NEMF: variants seen among roughly 807,000 people sequenced by gnomAD.
NEMF encodes the protein nuclear export mediator factor.
In NEMF, 89 loss-of-function variants were observed where a neutral mutation model predicts 162.2. The observed-to-expected ratio is 0.55, with a 90% CI of 0.46 to 0.65. The LOEUF is 0.65. NEMF is among the 30% of genes least tolerant of loss of function. The probability of loss-of-function intolerance (pLI) is 0.00; values close to 1 mark genes in which losing one functional copy is unlikely to be tolerated. For missense variants in NEMF, 1,133 were observed against 1,261.9 expected (o/e 0.90, Z 1.55); for synonymous variants, 421 against 404.5 (o/e 1.04, Z -0.49).
chr14:49,792,756 G>C (rs1448320416), intron 26 of NEMF, among the ~76,000 whole-genome samples: 1 of 152,144 alleles, frequency 6.6e-6, no homozygotes, highest in Non-Finnish European at 1.5e-5. Context: ...CAAGCAGGAG[G>C]ATAACTTGAG....
At chr14:49,850,482 G>C (rs1417748697) in intron 3 of NEMF, among the ~76,000 whole-genome samples, 3 of 152,158 alleles carry the variant, frequency 2.0e-5, no homozygotes, top group African/African-American at 7.2e-5. Context: ...TAAATTCCAA[G>C]AGGTTAAGTA....
intron 16 of NEMF, among the ~76,000 whole-genome samples, chr14:49,817,869 T>A (rs1449302195): frequency 6.6e-6 from 1 of 152,182 alleles, no homozygotes; most frequent in African/African-American, 2.4e-5. Flanking sequence ...GTGAATTTCA[T>A]CAGCTATTTA....
chr14:49,832,187 A>G lies in NEMF; in HGVS notation c.806+20T>C. On this transcript the variant is annotated intron_variant, in intron 9 of 32. Transcript: ENST00000298310. ...ATTAACAAACATCCAAAGCAAATTG[A>G]CCCATGCCTATATGCTTACGTCAGT... The G allele has an allele frequency of 6.3e-7, 1 of 1,599,092 alleles. No individual in the cohort carries two copies. Among genetic ancestry groups the G allele is most frequent in the South Asian group, 1.1e-5 (1 of 89,256 alleles).
chr14:49,803,879 C>CA (rs1181775816), intron 19 of NEMF, among the ~76,000 whole-genome samples: 2 of 152,114 alleles, frequency 1.3e-5, no homozygotes, highest in South Asian at 4.1e-4. Context: ...TCTCTTCCAG[C>CA]ATGAGATGTA....
chr14:49,796,424 G>A (rs186960375), intron 25 of NEMF: 1 of 375,560 alleles, frequency 2.7e-6, no homozygotes, highest in African/African-American at 2.1e-5. Context: ...TCTTAGTTCA[G>A]GTCCTCATTA....
At chr14:49,786,673 T>G (rs77788677) in intron 29 of NEMF, 45 bp downstream of exon 29, 2 of 1,545,348 alleles carry the variant, frequency 1.3e-6, no homozygotes. Context: ...GGGAACTGAA[T>G]TGTAATCACA....
intron 18 of NEMF, among the ~76,000 whole-genome samples, chr14:49,813,542 TC>T (rs1376535847): frequency 6.6e-6 from 1 of 152,218 alleles, no homozygotes; most frequent in Admixed American, 6.5e-5. Flanking sequence ...CTCTCTCCCT[TC>T]AATTCTGTCA....
At chr14:49,800,955 C>T (rs1594743147) in intron 22 of NEMF, 3 of 384,664 alleles carry the variant, frequency 7.8e-6, no homozygotes, top group East Asian at 4.3e-5. Flanking sequence ...ATGAAAACCA[C>T]AACTCTGCCT....
intron 6 of NEMF, among the ~76,000 whole-genome samples, chr14:49,837,246 A>G (rs1955411222): frequency 6.6e-6 from 1 of 152,240 alleles, no homozygotes. Context: ...ACTGCACTCC[A>G]GCCTGGTGAC....
intron 6 of NEMF, among the ~76,000 whole-genome samples, chr14:49,836,839 T>A (rs1007933082): frequency 2.0e-5 from 3 of 152,204 alleles, no homozygotes; most frequent in African/African-American, 7.2e-5. Context: ...GGAACCCAAA[T>A]CTAAACACAA....
intron 28 of NEMF, among the ~76,000 whole-genome samples, chr14:49,787,735 T>C (rs1890243805): frequency 6.6e-6 from 1 of 152,148 alleles, no homozygotes; most frequent in South Asian, 2.1e-4. Flanking sequence ...TTAACACCTC[T>C]AGTGAGTATT....
rs1249303969 is a variant in NEMF, at chr14:49,844,726, C to T, written c.357+1414G>A. On this transcript the variant is annotated intron_variant, in intron 4 of 32. Coordinates refer to ENST00000298310, the MANE Select transcript of NEMF (RefSeq NM_004713.6). The stretch of plus-strand genomic sequence containing the variant: ...TTATTTATATACATACACACGCACG[C>T]GCACGCGCGCGCACACACACACACA... The T allele has an allele frequency of 4.3e-4, 17 of 39,302 alleles. 1 individual carries two copies. Among genetic ancestry groups the T allele is most frequent in the East Asian group, 2.7e-3 (5 of 1,842 alleles). 2.4% of individuals were successfully genotyped at this position (39,302 alleles called of 1,614,324 possible).
intron 7 of NEMF, 27 bp from the exon 8 acceptor site, chr14:49,833,523 A>G: frequency 6.8e-7 from 1 of 1,472,006 alleles, no homozygotes; most frequent in Non-Finnish European, 9.3e-7. Context: ...AAAAGGAAAA[A>G]AGGAGTGCCA....
chr14:49,829,305 A>G, intron 12 of NEMF, 43 bp from the exon 13 acceptor site: 1 of 1,613,256 alleles, frequency 6.2e-7, no homozygotes. Context: ...TGCCAGTTAA[A>G]GTTAACATTT....
chr14:49,807,386 T>A (rs1891264041), intron 18 of NEMF, among the ~76,000 whole-genome samples: 1 of 152,146 alleles, frequency 6.6e-6, no homozygotes, highest in African/African-American at 2.4e-5. Context: ...TTTGCTCATC[T>A]TGGGTATATA....
chr14:49,788,761 G>A (rs546647390), intron 28 of NEMF, among the ~76,000 whole-genome samples: 7 of 151,984 alleles, frequency 4.6e-5, no homozygotes, highest in Admixed American at 1.3e-4. Flanking sequence ...GTTTCACCAC[G>A]TTAGCCAGCA....
At chr14:49,847,514 T>C (rs146938742) in intron 3 of NEMF, among the ~76,000 whole-genome samples, 3 of 152,268 alleles carry the variant, frequency 2.0e-5, no homozygotes, top group African/African-American at 7.2e-5. Context: ...CCTTTATTTT[T>C]TTTAAGTCTC....
At chr14:49,815,978 T>TA (rs1891697485) in intron 16 of NEMF, among the ~76,000 whole-genome samples, 1 of 151,674 alleles carries the variant, frequency 6.6e-6, no homozygotes, top group Non-Finnish European at 1.5e-5. Flanking sequence ...AATAAATAAA[T>TA]AAAAAACAAA....
chr14:49,832,504 G>A (rs747584399), intron 8 of NEMF, among the ~76,000 whole-genome samples: 6 of 151,914 alleles, frequency 3.9e-5, no homozygotes, highest in Non-Finnish European at 7.4e-5. Flanking sequence ...GCTAATTTTT[G>A]TATTTTTAGT....
Sources: gnomAD v4.1 joint callset for allele counts (sites outside exome capture counted in the v4.1 genomes callset) on GRCh38, gnomAD v4.1.1 for gene constraint, MANE v1.5 for transcripts, NCBI Gene and HGNC (gene_info 2026-07-23, HGNC 2026-07-21) for gene names.